ZDHHC14: variants seen among roughly 807,000 people sequenced by gnomAD.
ZDHHC14 encodes zDHHC palmitoyltransferase 14.
Under a neutral mutation model 47.7 loss-of-function variants are expected in ZDHHC14, and 16 were observed. The ratio of observed to expected loss-of-function variants is 0.34; its 90% confidence interval spans 0.23 to 0.51. The LOEUF (loss-of-function observed/expected upper bound fraction) is 0.51. Ranked by LOEUF, ZDHHC14 falls within the 20% of genes least tolerant of loss-of-function variation. The pLI is 0.97. For synonymous variants in ZDHHC14, 293 were observed against 278.9 expected, an observed-to-expected ratio of 1.05 and a Z score of -0.50; for missense variants, 515 against 662.5, an observed-to-expected ratio of 0.78 and a Z score of 2.44.
chr6:157,582,503 C>T lies in ZDHHC14; in HGVS notation c.407-10485C>T, dbSNP rs62423204. ...CCTCATTTATGAAGCTTAGTTTGGC[C>T]GGATATGAAATTCTTGGTTGGAAAT... On this transcript the variant is annotated intron_variant, in intron 2 of 8. Transcript: ENST00000359775. This position sits in a 1 kb window ranked among gnomAD's most constrained non-coding sequence, Gnocchi z 4.3. 0.26 allele frequency among the ~76,000 whole-genome samples: 39,472 copies of T among 152,048 alleles called. 5,986 individuals are homozygous for T. The highest frequency in any genetic ancestry group is 0.43 in the African/African-American group (17,874 of 41,478).
At chr6:157,529,208 T>C (rs1781278181) in intron 1 of ZDHHC14, 1 of 153,494 alleles carries the variant, frequency 6.5e-6, no homozygotes, top group Non-Finnish European at 1.5e-5. Flanking sequence ...TGGAGATCTC[T>C]GGAGTCTCTG....
chr6:157,496,922 C>CCTCTTCCTCT lies in ZDHHC14; in HGVS notation c.246-45660_246-45651dup, dbSNP rs1429499365. 3.9e-5 allele frequency among the ~76,000 whole-genome samples: 6 copies of CCTCTTCCTCT among 152,276 alleles called. No homozygotes were observed. The East Asian group carries it at 9.7e-4, about 25-fold the overall frequency. On this transcript the variant is annotated intron_variant, in intron 1 of 8. Transcript: ENST00000359775. ...TTCCTCCACCATTTCCTCTTGCTCT[C>CCTCTTCCTCT]CTCTTCCTCTCTGCTTTTCCTGTGA...
intron 5 of ZDHHC14, among the ~76,000 whole-genome samples, chr6:157,642,025 G>GATAT (rs1261334514): frequency 9.4e-5 from 11 of 117,598 alleles, no homozygotes; most frequent in Admixed American, 3.2e-4. Flanking sequence ...ATATTTTGAA[G>GATAT]ATAGATAGAT....
At chr6:157,658,112 G>C (rs1344813669) in intron 8 of ZDHHC14, among the ~76,000 whole-genome samples, 1 of 152,116 alleles carries the variant, frequency 6.6e-6, no homozygotes, top group Non-Finnish European at 1.5e-5. Flanking sequence ...CCCATGAGTG[G>C]CAAGATGAGC....
chr6:157,672,641 C>G, intron 8 of ZDHHC14, 83 bp from the exon 9 acceptor site: 2 of 503,004 alleles, frequency 4.0e-6, no homozygotes, highest in South Asian at 2.0e-5. Context: ...CCTCCCCGCC[C>G]GTGCCCTGTC....
chr6:157,540,414 A>C lies in ZDHHC14; in HGVS notation c.246-2171A>C, dbSNP rs939286038. 4.6e-5 allele frequency among the ~76,000 whole-genome samples: 7 copies of C among 152,350 alleles called. No individual in the cohort carries two copies. The South Asian group carries it at 8.3e-4, about 18-fold the overall frequency. ...GAGCAGGTGGACTTTGCGGTCCACC[A>C]AGCTGCGTCTCAGACCCAAAAAGGA... On this transcript the variant is annotated intron_variant, in intron 1 of 8. Transcript: ENST00000359775.
chr6:157,395,825 T>C (rs1400933143), intron 1 of ZDHHC14, among the ~76,000 whole-genome samples: 1 of 152,024 alleles, frequency 6.6e-6, no homozygotes, highest in Non-Finnish European at 1.5e-5. Context: ...AGTTTCTTAC[T>C]GTACTGTGTC....
intron 2 of ZDHHC14, among the ~76,000 whole-genome samples, chr6:157,583,908 G>T (rs748942391): frequency 5.4e-5 from 8 of 149,180 alleles, no homozygotes; most frequent in Non-Finnish European, 1.2e-4. Context: ...CAATCATTGC[G>T]ATTGGCCTGG....
At chr6:157,541,264 T>A (rs931708643) in intron 1 of ZDHHC14, among the ~76,000 whole-genome samples, 1 of 152,148 alleles carries the variant, frequency 6.6e-6, no homozygotes, top group East Asian at 1.9e-4. Context: ...CAGGAAGCTG[T>A]GTCTAGGTCT....
rs532349309 is a variant in ZDHHC14, at chr6:157,528,246, A to G, written c.246-14339A>G. Among the ~76,000 whole-genome samples, 9 of 152,302 alleles carry G rather than the reference A, an allele frequency of 5.9e-5. No individual in the cohort carries two copies. In the South Asian group the frequency reaches 1.9e-3, roughly 32 times the overall value. ...TCGTGTTTGCCATGGGGAAGTCCTC[A>G]GGAATACTTCTGTTGTATTTCAAAA... On this transcript the variant is annotated intron_variant, in intron 1 of 8. Transcript: ENST00000359775.
intron 1 of ZDHHC14, among the ~76,000 whole-genome samples, chr6:157,392,645 A>G (rs976474344): frequency 6.8e-6 from 1 of 147,240 alleles, no homozygotes; most frequent in African/African-American, 2.5e-5. Flanking sequence ...TAAGAGAAAG[A>G]TGTGTGTGTG....
intron 5 of ZDHHC14, among the ~76,000 whole-genome samples, chr6:157,645,177 C>G (rs144805894): frequency 3.0e-4 from 45 of 152,262 alleles, no homozygotes; most frequent in African/African-American, 1.1e-3. Flanking sequence ...TTTCCTTCTT[C>G]CCCTTCTCTG....
intron 1 of ZDHHC14, 58 bp downstream of exon 1, chr6:157,382,324 G>T: frequency 6.4e-7 from 1 of 1,574,452 alleles, no homozygotes; most frequent in Non-Finnish European, 8.6e-7. Flanking sequence ...CCTGTCCCCC[G>T]CCCCTCCTCG....
At chr6:157,420,528 G>A (rs1778077784) in intron 1 of ZDHHC14, among the ~76,000 whole-genome samples, 1 of 152,038 alleles carries the variant, frequency 6.6e-6, no homozygotes, top group South Asian at 2.1e-4. Context: ...AAGGAGAGGA[G>A]GTGTAGTCAT....
chr6:157,548,540 G>A (rs887234914), intron 2 of ZDHHC14, among the ~76,000 whole-genome samples: 60 of 152,156 alleles, frequency 3.9e-4, no homozygotes, highest in Admixed American at 2.6e-4. Context: ...TCTGCCTCCC[G>A]GGTTCAAGCA....
At chr6:157,443,537 A>G (rs1778600307) in intron 1 of ZDHHC14, among the ~76,000 whole-genome samples, 1 of 152,166 alleles carries the variant, frequency 6.6e-6, no homozygotes, top group Non-Finnish European at 1.5e-5. Context: ...ATTTTAATAA[A>G]ACCAAAAACA....
Position 157,632,969 on chromosome 6 carries a change from C to G in ZDHHC14, c.752+87C>G. Reference sequence around the variant, plus strand: ...TGTGCGCACACCTCCTCATCTTCTGCCCCGGCCTTGCTTCTCATGTATCTT... The same window carrying G: ...TGTGCGCACACCTCCTCATCTTCTGGCCCGGCCTTGCTTCTCATGTATCTT... On this transcript the variant is annotated intron_variant, in intron 5 of 8. Transcript: ENST00000359775. 7 of 1,406,988 alleles carry G rather than the reference C, an allele frequency of 5.0e-6. No individual in the cohort carries two copies. In the Admixed American group the frequency reaches 8.4e-5, roughly 17 times the overall value. The allele number at this position is 1,406,988 out of a possible 1,614,324, so 87.2% of individuals were successfully genotyped here.
intron 1 of ZDHHC14, among the ~76,000 whole-genome samples, chr6:157,453,394 A>G (rs918452593): frequency 6.6e-6 from 1 of 152,192 alleles, no homozygotes; most frequent in Non-Finnish European, 1.5e-5. Context: ...ATGAACTGTT[A>G]ACTTTTTCTG....
chr6:157,402,252 T>C (rs1450189250), intron 1 of ZDHHC14, among the ~76,000 whole-genome samples: 2 of 148,310 alleles, frequency 1.3e-5, no homozygotes, highest in Non-Finnish European at 3.0e-5. Context: ...GCTGAGGTCA[T>C]AACTGCAGTA....
Sources: allele counts gnomAD v4.1 joint callset (sites outside exome capture counted in the v4.1 genomes callset), GRCh38; gene constraint gnomAD v4.1.1; non-coding constraint Gnocchi (gnomAD v3.1); transcripts MANE v1.5; gene names NCBI Gene and HGNC (gene_info 2026-07-23, HGNC 2026-07-21).